ARHGEF33: variants seen among roughly 807,000 people sequenced by gnomAD.
The protein encoded by ARHGEF33 is Rho guanine nucleotide exchange factor 33.
In ARHGEF33, 72 loss-of-function variants were observed where a neutral mutation model predicts 101.9. The observed-to-expected ratio is 0.71, with a 90% CI of 0.58 to 0.86. ARHGEF33 has a LOEUF of 0.86. Ranked by LOEUF, ARHGEF33 falls within the 40% of genes least tolerant of loss-of-function variation. The pLI is 0.00. For missense variants in ARHGEF33, 1,169 were observed against 1,111.3 expected (o/e 1.05, Z -0.74); for synonymous variants, 499 against 442.5 (o/e 1.13, Z -1.60).
chr2:38,958,311 A>G (rs1187909957), intron 15 of ARHGEF33, 113 bp downstream of exon 15: 3 of 1,343,774 alleles, frequency 2.2e-6, no homozygotes, highest in East Asian at 2.5e-5. Context: ...CATCAGGCCT[A>G]TATGTGCCAA....
chr2:38,900,896 G>A (rs1666224467), intron 2 of ARHGEF33, among the ~76,000 whole-genome samples: 1 of 152,140 alleles, frequency 6.6e-6, no homozygotes, highest in Non-Finnish European at 1.5e-5. Flanking sequence ...TGGAAGAGGA[G>A]GCTCCCGAGA....
chr2:38,905,740 G>A (rs1479246488), intron 2 of ARHGEF33, among the ~76,000 whole-genome samples: 2 of 152,202 alleles, frequency 1.3e-5, no homozygotes, highest in South Asian at 2.1e-4. Context: ...ACCCTCTGAA[G>A]AGCATTAAAG....
chr2:38,915,057 G>A (rs1289616091), intron 2 of ARHGEF33, among the ~76,000 whole-genome samples: 1 of 151,558 alleles, frequency 6.6e-6, no homozygotes, highest in Non-Finnish European at 1.5e-5. Context: ...TAACTATGTT[G>A]CCTGGGGTGA....
chr2:38,909,675 G>A (rs1224793559), intron 2 of ARHGEF33, among the ~76,000 whole-genome samples: 2 of 144,152 alleles, frequency 1.4e-5, no homozygotes, highest in African/African-American at 2.6e-5. Flanking sequence ...TATTACCTTT[G>A]CCACTTTAAA....
At chr2:38,921,279 A>G in intron 3 of ARHGEF33, 95 bp from the exon 4 acceptor site, 1 of 778,074 alleles carries the variant, frequency 1.3e-6, no homozygotes, top group East Asian at 2.7e-5. Flanking sequence ...GCACAAATGT[A>G]GGATCCTGTA....
chr2:38,958,150 A>T lies in ARHGEF33; in HGVS notation c.1487A>T (p.Glu496Val). The T allele has an allele frequency of 6.4e-7, 1 of 1,551,864 alleles. No homozygotes were observed. Among genetic ancestry groups the T allele is most frequent in the Non-Finnish European group, 8.7e-7 (1 of 1,147,040 alleles). Residue 496 changes from glutamate to valine, a missense_variant, in exon 15 of 18, where the codon GAG becomes GTG. Coordinates refer to ENST00000409978, the MANE Select transcript of ARHGEF33 (RefSeq NM_001145451.5). Reference protein sequence around the residue: ...AVRDTGIHSEELLQPYPSAPS... With the variant: ...AVRDTGIHSEVLLQPYPSAPS... The stretch of plus-strand genomic sequence containing the variant: ...CGTGACACTGGGATCCACTCAGAAG[A>T]GTTGCTGCAACCCTACCCTTCTGCT...
At chr2:38,962,407 A>G (rs1343421305) in intron 16 of ARHGEF33, among the ~76,000 whole-genome samples, 2 of 152,232 alleles carry the variant, frequency 1.3e-5, no homozygotes, top group East Asian at 3.8e-4. Flanking sequence ...TTGTAAGGCA[A>G]AAACCATTAA....
intron 1 of ARHGEF33, among the ~76,000 whole-genome samples, chr2:38,892,648 T>C (rs1666030608): frequency 6.6e-6 from 1 of 152,234 alleles, no homozygotes; most frequent in Non-Finnish European, 1.5e-5. Flanking sequence ...TTATAGCATA[T>C]TCAGCCTCCT....
At chr2:38,962,364 T>C (rs1667962640) in intron 16 of ARHGEF33, among the ~76,000 whole-genome samples, 1 of 152,250 alleles carries the variant, frequency 6.6e-6, no homozygotes, top group Non-Finnish European at 1.5e-5. Flanking sequence ...TGTCCTTTTG[T>C]AGTTGATTTG....
intron 2 of ARHGEF33, among the ~76,000 whole-genome samples, chr2:38,911,317 C>T (rs1413814171): frequency 6.6e-6 from 1 of 152,122 alleles, no homozygotes. Flanking sequence ...AAAAAGTTCC[C>T]ATTCTACTAA....
At chr2:38,924,527 C>G (rs892852491) in intron 4 of ARHGEF33, among the ~76,000 whole-genome samples, 5 of 152,316 alleles carry the variant, frequency 3.3e-5, no homozygotes, top group Non-Finnish European at 7.4e-5. Context: ...GCCCAACACT[C>G]ATACTAATGA....
intron 6 of ARHGEF33, among the ~76,000 whole-genome samples, chr2:38,930,856 A>T (rs1558431826): frequency 6.6e-6 from 1 of 152,216 alleles, no homozygotes; most frequent in Non-Finnish European, 1.5e-5. Context: ...GCAACAAAAA[A>T]ATAAGAATGT....
At chr2:38,973,447 CTATT>C (rs969576317) in intron 17 of ARHGEF33, among the ~76,000 whole-genome samples, 6 of 152,086 alleles carry the variant, frequency 3.9e-5, no homozygotes, top group African/African-American at 1.4e-4. Flanking sequence ...TTTTGTTCCC[CTATT>C]ATGATGTTAT....
intron 4 of ARHGEF33, among the ~76,000 whole-genome samples, chr2:38,923,171 C>T (rs551716450): frequency 2.6e-5 from 4 of 152,140 alleles, no homozygotes; most frequent in African/African-American, 4.8e-5. Flanking sequence ...TACATCTGTT[C>T]GCAGTGGAAC....
chr2:38,950,956 G>C (rs971438743), intron 10 of ARHGEF33, 33 bp from the exon 11 acceptor site: 1 of 1,547,144 alleles, frequency 6.5e-7, no homozygotes, highest in Non-Finnish European at 8.7e-7. Flanking sequence ...TCTACACCTT[G>C]TTTGTGTGAT....
At chr2:38,890,267 T>C (rs1229375179) in intron 1 of ARHGEF33, among the ~76,000 whole-genome samples, 1 of 152,214 alleles carries the variant, frequency 6.6e-6, no homozygotes, top group South Asian at 2.1e-4. Context: ...TTAATAAATA[T>C]AGTTGAAGAT....
chr2:38,902,877 T>C (rs1397371692), intron 2 of ARHGEF33, among the ~76,000 whole-genome samples: 1 of 152,138 alleles, frequency 6.6e-6, no homozygotes, highest in Non-Finnish European at 1.5e-5. Flanking sequence ...AGATAGGGTA[T>C]AGAGGCCAGG....
intron 7 of ARHGEF33, among the ~76,000 whole-genome samples, chr2:38,934,162 A>G (rs1416857139): frequency 2.0e-5 from 3 of 152,072 alleles, no homozygotes; most frequent in Non-Finnish European, 2.9e-5. Context: ...ACCACTCCTG[A>G]TAGTTTTTGG....
At chr2:38,906,232 G>GCTATCTAA (rs1430088769) in intron 2 of ARHGEF33, among the ~76,000 whole-genome samples, 1 of 151,228 alleles carries the variant, frequency 6.6e-6, no homozygotes, top group East Asian at 1.9e-4. Flanking sequence ...GAACAGGATT[G>GCTATCTAA]CTATCTAACT....
Sources: gnomAD v4.1 joint callset for allele counts (sites outside exome capture counted in the v4.1 genomes callset) on GRCh38, gnomAD v4.1.1 for gene constraint, MANE v1.5 for transcripts, NCBI Gene and HGNC (gene_info 2026-07-23, HGNC 2026-07-21) for gene names.